Variants in DTWD1 observed in about 807,000 individuals in gnomAD.
DTWD1 encodes the protein tRNA-uridine aminocarboxypropyltransferase 1.
A neutral mutation model predicts 30.2 loss-of-function variants in DTWD1; 27 were observed. The ratio of observed to expected loss-of-function variants is 0.90; its 90% CI spans 0.66 to 1.23. The LOEUF (loss-of-function observed/expected upper bound fraction) is 1.23, where lower values mean the gene tolerates loss of function less well. Ranked by LOEUF, DTWD1 falls within the 50% of genes most tolerant of loss-of-function variation. DTWD1 has a pLI of 0.00. For synonymous variants in DTWD1, 99 were observed against 113.1 expected, an observed-to-expected ratio of 0.88 and a Z score of 0.79; for missense variants, 342 against 348.8, an observed-to-expected ratio of 0.98 and a Z score of 0.15.
chr15:49,633,043 C>CTATCTATATATA (rs1555588572), intron 3 of DTWD1, among the ~76,000 whole-genome samples: 64 of 129,474 alleles, frequency 4.9e-4, no homozygotes, highest in South Asian at 1.0e-3. Flanking sequence ...CTATTTATAT[C>CTATCTATATATA]TATATCTATA....
chr15:49,622,166 T>G (rs1201699508), intron 1 of DTWD1, among the ~76,000 whole-genome samples: 1 of 152,156 alleles, frequency 6.6e-6, no homozygotes, highest in Non-Finnish European at 1.5e-5. Flanking sequence ...GTTTGTTGAG[T>G]TCCTGCTGTT....
intron 2 of DTWD1, chr15:49,626,640 AT>A (rs1440652083): frequency 6.0e-6 from 2 of 332,416 alleles, no homozygotes; most frequent in African/African-American, 2.2e-5. Flanking sequence ...TAAAAAAAAA[AT>A]AAGTTGTAGC....
chr15:49,633,073 ATTTTTTTGGTTGAGTT>A, intron 3 of DTWD1, among the ~76,000 whole-genome samples: 1 of 145,286 alleles, frequency 6.9e-6, no homozygotes, highest in Non-Finnish European at 1.5e-5. Context: ...ATATATATGT[ATTTTTTTGGTTGAGTT>A]TATATAAAAA....
intron 4 of DTWD1, among the ~76,000 whole-genome samples, chr15:49,642,010 C>T (rs1324400784): frequency 1.3e-5 from 2 of 152,164 alleles, no homozygotes; most frequent in Non-Finnish European, 2.9e-5. Context: ...GTCATTATCT[C>T]TTTAACCGCT....
rs2078930495 is a variant in DTWD1 at position 49,632,194 on chromosome 15, T to G, written c.300T>G (p.Asn100Lys). ...AGATTGACATCATTAAACATCCAAA[T>G]GAAACAGATGGCAAAAGTACTGCTA... ...PLKIDIIKHP[N>K]ETDGKSTAIH... Residue 100 changes from asparagine (N) to lysine (K), a missense_variant, in exon 3 of 5, where the codon AAT (asparagine) becomes AAG (lysine). By Grantham distance (94) the Asn-to-Lys change is moderately conservative. Transcript: ENST00000403028. 6.3e-7 allele frequency: 1 copy of G among 1,589,320 alleles called. No individual in the cohort carries two copies. Among genetic ancestry groups the G allele is most frequent in the Admixed American group, 1.9e-5 (1 of 53,146 alleles).
rs750721815 is a variant in DTWD1 at position 49,655,876 on chromosome 15, C to A, written c.*12298C>A. On this transcript the variant is annotated 3_prime_UTR_variant, in exon 5 of 5. Transcript: ENST00000403028. ...GCACTAAGTTTATGGGAAGATATGC[C>A]ATCTACATAATTTACCTTCCTCTCT... 2.6e-5 allele frequency: 4 copies of A among 151,934 alleles called. No homozygotes were observed. Among genetic ancestry groups the A allele is most frequent in the Non-Finnish European group, 5.9e-5 (4 of 67,974 alleles). 9.4% of individuals were successfully genotyped at this position (151,934 alleles called of 1,614,324 possible). A position where few individuals can be genotyped will look rare whatever the true frequency, so the allele number is the denominator to read the frequency against.
At chr15:49,628,286 G>A (rs4480742) in intron 2 of DTWD1, among the ~76,000 whole-genome samples, 16 of 152,040 alleles carry the variant, frequency 1.1e-4, no homozygotes, top group African/African-American at 3.9e-4. Flanking sequence ...ACCTGCCTGA[G>A]GCTATTTTAC....
At chr15:49,631,277 A>T (rs1363101029) in intron 2 of DTWD1, among the ~76,000 whole-genome samples, 4 of 152,138 alleles carry the variant, frequency 2.6e-5, no homozygotes, top group Non-Finnish European at 5.9e-5. Context: ...TATAAAGATT[A>T]CACCTCTTAG....
rs769908340 is a variant in DTWD1, at chr15:49,632,268, C to T, written c.374C>T (p.Pro125Leu). The part of the protein sequence containing the change: ...APEFVNIYTY[P>L]CIPEYEEKDH... ...GAATTTGTAAACATTTACACGTATC[C>T]GTGTATTCCAGAATATGAAGAAAAG... The change falls in exon 3 of 5, where the codon CCG (proline) becomes CTG (leucine). Residue 125 changes from proline to leucine, a missense_variant. Physicochemically the swap from Pro to Leu is moderately conservative, Grantham distance 98. Coordinates refer to ENST00000403028, the MANE Select transcript of DTWD1 (RefSeq NM_001144955.2). The T allele has an allele frequency of 3.7e-5, 59 of 1,589,794 alleles. No homozygotes were observed. The highest frequency in any genetic ancestry group is 1.5e-4 in the Admixed American group (8 of 51,854).
rs550453005 is a variant in DTWD1, at chr15:49,646,094, G to A, written c.*2516G>A. 2 of 152,310 alleles carry A rather than the reference G, an allele frequency of 1.3e-5. No individual in the cohort carries two copies. The highest frequency in any genetic ancestry group is 3.9e-4 in the East Asian group (2 of 5,178). The allele number at this position is 152,310 out of a possible 1,614,324, so 9.4% of individuals were successfully genotyped here. Reference sequence around the variant, plus strand: ...TGGCTGAGTTAGCCTGCTGGAGCATGAGACTCCATGGAACAGAGCCAGGTT... The same window carrying A: ...TGGCTGAGTTAGCCTGCTGGAGCATAAGACTCCATGGAACAGAGCCAGGTT... On this transcript the variant is annotated 3_prime_UTR_variant, in exon 5 of 5. Coordinates refer to ENST00000403028, the MANE Select transcript of DTWD1 (RefSeq NM_001144955.2).
chr15:49,621,971 G>A (rs2078736631), intron 1 of DTWD1, among the ~76,000 whole-genome samples: 1 of 152,084 alleles, frequency 6.6e-6, no homozygotes, highest in South Asian at 2.1e-4. Context: ...CCATTGGGAG[G>A]TGAGTCAGCT....
intron 4 of DTWD1, 28 bp from the exon 5 acceptor site, chr15:49,643,302 CT>C: frequency 5.8e-6 from 7 of 1,199,952 alleles, no homozygotes; most frequent in Non-Finnish European, 2.2e-6. Flanking sequence ...TTCTTTCTTT[CT>C]TTCTTTTTTT....
intron 4 of DTWD1, among the ~76,000 whole-genome samples, chr15:49,640,669 C>T (rs1464078970): frequency 7.2e-6 from 1 of 138,712 alleles, no homozygotes; most frequent in African/African-American, 2.7e-5. Context: ...ATTTACTTTT[C>T]TCTAATTACT....
At position 49,649,730 on chromosome 15, in the gene DTWD1, T is replaced by A. The variant is rs1342512399; in HGVS notation, c.*6152T>A. On this transcript the variant is annotated 3_prime_UTR_variant, in exon 5 of 5. Transcript: ENST00000403028. ...TCCAGCCTGGGTGACAGAGTGAGACTCCGTCTCAAAAAAAATAAATAAAAA... is the reference window on the plus strand; with the variant it reads ...TCCAGCCTGGGTGACAGAGTGAGACACCGTCTCAAAAAAAATAAATAAAAA... 1 of 152,070 alleles carries A rather than the reference T, an allele frequency of 6.6e-6. No individual in the cohort carries two copies. The highest frequency in any genetic ancestry group is 1.5e-5 in the Non-Finnish European group (1 of 68,074). The allele number at this position is 152,070 out of a possible 1,614,324, so 9.4% of individuals were successfully genotyped here.
At chr15:49,631,405 A>G (rs1339096137) in intron 2 of DTWD1, among the ~76,000 whole-genome samples, 2 of 152,334 alleles carry the variant, frequency 1.3e-5, no homozygotes, top group East Asian at 3.9e-4. Context: ...AGTATGTCTA[A>G]GGAACAGAAT....
In DTWD1 at chr15:49,643,306, C is replaced by CTTTTTTTTTT. The variant is rs5812490; in HGVS notation, c.668-15_668-6dup. On this transcript the variant is annotated intron_variant, in intron 4 of 4. Coordinates refer to ENST00000403028, the MANE Select transcript of DTWD1 (RefSeq NM_001144955.2). ...ATTTATATTTTTTCTTTCTTTCTTTCTTTTTTTTTTTTTTTTTTTGACAGG... is the reference window on the plus strand; with the variant it reads ...ATTTATATTTTTTCTTTCTTTCTTTCTTTTTTTTTTTTTTTTTTTTTTTTTTTTTGACAGG... 7.2e-5 allele frequency: 86 copies of CTTTTTTTTTT among 1,201,884 alleles called. 3 individuals are homozygous for CTTTTTTTTTT. Among genetic ancestry groups the CTTTTTTTTTT allele is most frequent in the South Asian group, 3.6e-4 (17 of 47,252 alleles). 74.5% of individuals were successfully genotyped at this position (1,201,884 alleles called of 1,614,324 possible).
In DTWD1 at chr15:49,654,030, ACAATT is replaced by A. The variant is rs1443717825; in HGVS notation, c.*10453_*10457del. 6 of 152,014 alleles carry A rather than the reference ACAATT, an allele frequency of 3.9e-5. No individual in the cohort carries two copies. Among genetic ancestry groups the A allele is most frequent in the Admixed American group, 2.0e-4 (3 of 15,242 alleles). 9.4% of individuals were successfully genotyped at this position (152,014 alleles called of 1,614,324 possible). A position where few individuals can be genotyped will look rare whatever the true frequency, so the allele number is the denominator to read the frequency against. On this transcript the variant is annotated 3_prime_UTR_variant, in exon 5 of 5. Transcript: ENST00000403028. ...CCTTTGGTGTAGGGGGACCCTGAAA[ACAATT>A]TAATTTTATGCTTCCTGTTTCCTTG...
chr15:49,626,737 A>T (rs1255400988), intron 2 of DTWD1: 4 of 441,278 alleles, frequency 9.1e-6, no homozygotes, highest in African/African-American at 2.0e-5. Flanking sequence ...TTTTATTTGA[A>T]TTTCAGTTTA....
chr15:49,639,981 A>C (rs1047614523), intron 4 of DTWD1, among the ~76,000 whole-genome samples: 3 of 151,674 alleles, frequency 2.0e-5, no homozygotes, highest in African/African-American at 7.3e-5. Context: ...TAATATATAC[A>C]CACACACACG....
Sources: gnomAD v4.1 joint callset for allele counts (sites outside exome capture counted in the v4.1 genomes callset) on GRCh38, gnomAD v4.1.1 for gene constraint, MANE v1.5 for transcripts, NCBI Gene and HGNC (gene_info 2026-07-23, HGNC 2026-07-21) for gene names.